The following CCSER1 variants were observed in gnomAD, a reference collection of about 807,000 sequenced individuals.
CCSER1 encodes coiled-coil serine rich protein 1.
In CCSER1, 41 loss-of-function variants were observed where a neutral mutation model predicts 82.0. The observed-to-expected ratio is 0.50, with a 90% CI of 0.39 to 0.65. CCSER1 has a LOEUF of 0.65. CCSER1 is among the 30% of genes least tolerant of loss of function. The pLI, the probability that CCSER1 is intolerant of heterozygous loss-of-function variation, is 0.00. For synonymous variants in CCSER1, 414 were observed against 383.9 expected (o/e 1.08, Z -0.92); for missense variants, 1,119 against 1,064.2 (o/e 1.05, Z -0.72).
At position 90,573,005 on chromosome 4, in the gene CCSER1, G is replaced by T. The variant is rs371340274; in HGVS notation, c.1725-55020G>T. Among the ~76,000 whole-genome samples, 78 of 152,346 alleles carry T rather than the reference G, an allele frequency of 5.1e-4. 1 individual carries two copies. In the South Asian group the frequency reaches 0.016, roughly 30 times the overall value. Reference sequence around the variant, plus strand: ...GCCCTGAGGTATATGTGGCACTAGGGTGCATTAGAAACCTGGGACAATTGT... The same window carrying T: ...GCCCTGAGGTATATGTGGCACTAGGTTGCATTAGAAACCTGGGACAATTGT... On this transcript the variant is annotated intron_variant, in intron 5 of 10. Coordinates refer to ENST00000509176, the MANE Select transcript of CCSER1 (RefSeq NM_001145065.2).
chr4:90,986,618 A>C (rs941905079), intron 9 of CCSER1, among the ~76,000 whole-genome samples: 2 of 151,674 alleles, frequency 1.3e-5, no homozygotes, highest in African/African-American at 2.4e-5. Context: ...CTAGTTAGAC[A>C]CCAAACCACA....
intron 10 of CCSER1, among the ~76,000 whole-genome samples, chr4:91,449,345 C>T (rs1560680969): frequency 6.6e-6 from 1 of 151,704 alleles, no homozygotes; most frequent in Non-Finnish European, 1.5e-5. Flanking sequence ...ATTGAGAGTC[C>T]CAGGTTGACA....
chr4:90,340,616 G>T (rs1247051356), intron 3 of CCSER1, among the ~76,000 whole-genome samples: 1 of 152,088 alleles, frequency 6.6e-6, no homozygotes, highest in Non-Finnish European at 1.5e-5. Context: ...TGCATAATTT[G>T]TAATTTTAGA....
chr4:90,728,905 G>C (rs1247661407), intron 7 of CCSER1, among the ~76,000 whole-genome samples: 1 of 152,258 alleles, frequency 6.6e-6, no homozygotes, highest in African/African-American at 2.4e-5. Flanking sequence ...ATTTTCTGTA[G>C]TTTCTATAAT....
intron 1 of CCSER1, among the ~76,000 whole-genome samples, chr4:90,302,135 A>G (rs1270731799): frequency 1.3e-5 from 2 of 152,222 alleles, no homozygotes; most frequent in Non-Finnish European, 2.9e-5. Flanking sequence ...GAAGTGTTGA[A>G]GCTAAAACTT....
At chr4:91,060,590 T>C (rs1743872883) in intron 9 of CCSER1, among the ~76,000 whole-genome samples, 1 of 152,062 alleles carries the variant, frequency 6.6e-6, no homozygotes, top group Non-Finnish European at 1.5e-5. Flanking sequence ...TTCCACTACC[T>C]AGCTGTTCTA....
intron 10 of CCSER1, among the ~76,000 whole-genome samples, chr4:91,428,220 T>C (rs1754102506): frequency 6.6e-6 from 1 of 152,082 alleles, no homozygotes; most frequent in Non-Finnish European, 1.5e-5. Flanking sequence ...ATTCTATCTT[T>C]ATGGCTTTTC....
chr4:90,635,616 C>A, intron 6 of CCSER1, among the ~76,000 whole-genome samples: 1 of 151,490 alleles, frequency 6.6e-6, no homozygotes. Context: ...ATAAAGAGTG[C>A]GATAATTCGT....
At chr4:90,867,157 GATGGCTCACTGTTGCC>G (rs1269171386) in intron 8 of CCSER1, among the ~76,000 whole-genome samples, 1 of 151,976 alleles carries the variant, frequency 6.6e-6, no homozygotes, top group Non-Finnish European at 1.5e-5. Context: ...GAAGGCTTTA[GATGGCTCACTGTTGCC>G]AGTTTTGAGA....
At chr4:91,313,019 T>C (rs1745593730) in intron 10 of CCSER1, among the ~76,000 whole-genome samples, 1 of 151,924 alleles carries the variant, frequency 6.6e-6, no homozygotes, top group African/African-American at 2.4e-5. Flanking sequence ...ATTTGAAAAA[T>C]GTATACCTTT....
At chr4:90,521,669 A>AT (rs879284671) in intron 5 of CCSER1, among the ~76,000 whole-genome samples, 86 of 147,972 alleles carry the variant, frequency 5.8e-4, no homozygotes, top group East Asian at 4.3e-3. Context: ...ACACTGCAGG[A>AT]TTTTTTTTTT....
intron 5 of CCSER1, among the ~76,000 whole-genome samples, chr4:90,609,119 T>C (rs1785125139): frequency 1.3e-5 from 2 of 152,132 alleles, no homozygotes; most frequent in Admixed American, 6.6e-5. Context: ...TTGACCATAA[T>C]AGAAGTGTGA....
intron 5 of CCSER1, among the ~76,000 whole-genome samples, chr4:90,622,758 T>A (rs1339495005): frequency 1.3e-5 from 2 of 152,138 alleles, no homozygotes; most frequent in Admixed American, 6.5e-5. Context: ...GCAGCATGAT[T>A]TATAATCCTT....
At chr4:90,728,618 T>C (rs1417845113) in intron 7 of CCSER1, among the ~76,000 whole-genome samples, 2 of 152,134 alleles carry the variant, frequency 1.3e-5, no homozygotes, top group Non-Finnish European at 2.9e-5. Context: ...GAGGTTCGCT[T>C]GAGCTCAGGA....
chr4:91,499,960 T>C (rs1759118311), intron 10 of CCSER1, among the ~76,000 whole-genome samples: 1 of 152,082 alleles, frequency 6.6e-6, no homozygotes, highest in Non-Finnish European at 1.5e-5. Flanking sequence ...TCTGAGTGCA[T>C]ATATATTTCA....
chr4:91,052,470 G>A (rs1743091688), intron 9 of CCSER1, among the ~76,000 whole-genome samples: 1 of 152,020 alleles, frequency 6.6e-6, no homozygotes, highest in African/African-American at 2.4e-5. Context: ...TGGACATAAA[G>A]CTTTATGTCA....
intron 10 of CCSER1, among the ~76,000 whole-genome samples, chr4:91,207,346 T>C (rs1477984609): frequency 7.9e-6 from 1 of 126,004 alleles, no homozygotes; most frequent in Non-Finnish European, 1.7e-5. Flanking sequence ...CAGTTGCTTT[T>C]CTTTTCTTTT....
intron 6 of CCSER1, among the ~76,000 whole-genome samples, chr4:90,710,041 G>C (rs1007345857): frequency 4.0e-5 from 6 of 150,760 alleles, no homozygotes; most frequent in Non-Finnish European, 5.9e-5. Context: ...AGTGATCAGT[G>C]ATGTTGAGCT....
intron 10 of CCSER1, among the ~76,000 whole-genome samples, chr4:91,428,560 G>T (rs922848266): frequency 2.0e-5 from 3 of 152,012 alleles, no homozygotes; most frequent in African/African-American, 7.2e-5. Flanking sequence ...TCACTGGATG[G>T]TCTAGGTGCA....
Sources: gnomAD v4.1 joint callset for allele counts (sites outside exome capture counted in the v4.1 genomes callset) on GRCh38, gnomAD v4.1.1 for gene constraint, MANE v1.5 for transcripts, NCBI Gene and HGNC (gene_info 2026-07-23, HGNC 2026-07-21) for gene names.